Variants in RNF212 observed in about 807,000 individuals in gnomAD.
The protein encoded by RNF212 is ring finger protein 212, also known as probable E3 SUMO-protein ligase RNF212.
Under a neutral mutation model 34.7 loss-of-function variants are expected in RNF212, and 33 were observed. The ratio of observed to expected loss-of-function variants is 0.95; its 90% confidence interval spans 0.72 to 1.27. The LOEUF (loss-of-function observed/expected upper bound fraction) is 1.27, where lower values mean the gene tolerates loss of function less well. RNF212 is among the 50% of genes most tolerant of loss of function. The probability of loss-of-function intolerance (pLI) is 0.00; values close to 1 mark genes in which losing one functional copy is unlikely to be tolerated. For synonymous variants in RNF212, 140 were observed against 136.1 expected (o/e 1.03, Z -0.20); for missense variants, 377 against 362.2 (o/e 1.04, Z -0.33).
chr4:1,059,962 C>T (rs1159800266), intron 3 of RNF212, among the ~76,000 whole-genome samples: 3 of 152,082 alleles, frequency 2.0e-5, no homozygotes, highest in Non-Finnish European at 2.9e-5. Flanking sequence ...GGCGTGGTGG[C>T]GCATGCCTGT....
intron 3 of RNF212, among the ~76,000 whole-genome samples, chr4:1,062,242 C>T (rs1717796679): frequency 6.6e-6 from 1 of 152,118 alleles, no homozygotes; most frequent in Non-Finnish European, 1.5e-5. Context: ...AACAAAATAC[C>T]AGCAAACAAA....
chr4:1,107,930 A>G (rs1400844322), intron 2 of RNF212, among the ~76,000 whole-genome samples: 4 of 152,370 alleles, frequency 2.6e-5, no homozygotes, highest in African/African-American at 9.6e-5. Flanking sequence ...GTTAAACTGA[A>G]TATTTTATAG....
At chr4:1,088,321 A>C (rs1721663505) in intron 4 of RNF212, among the ~76,000 whole-genome samples, 1 of 152,192 alleles carries the variant, frequency 6.6e-6, no homozygotes, top group South Asian at 2.1e-4. Flanking sequence ...TCCTGCCCTC[A>C]ATGTCTGTGG....
chr4:1,078,118 C>T (rs1189940088), intron 8 of RNF212, among the ~76,000 whole-genome samples: 4 of 152,208 alleles, frequency 2.6e-5, no homozygotes, highest in South Asian at 2.1e-4. Context: ...CGACTGAGTT[C>T]ATATCTATAA....
intron 1 of RNF212, 102 bp from the exon 2 acceptor site, chr4:1,108,506 G>GT (rs1725165563): frequency 1.8e-6 from 1 of 557,294 alleles, no homozygotes; most frequent in South Asian, 4.2e-5. Context: ...AGGCAGGATT[G>GT]TATCACTTAC....
intron 3 of RNF212, chr4:1,093,472 T>C: frequency 6.9e-7 from 1 of 1,449,946 alleles, no homozygotes; most frequent in Non-Finnish European, 9.1e-7. Context: ...ACCCTGCGTT[T>C]GTGATGCTCA....
In RNF212 at chr4:1,083,842, T is replaced by C. The variant is rs934308312; in HGVS notation, c.362+2054A>G. Reference sequence around the variant, plus strand: ...CAGAGGGTACTACTTGAAAAGATAATGGGCAGGAATTTTACAGAACTGATG... The same window carrying C: ...CAGAGGGTACTACTTGAAAAGATAACGGGCAGGAATTTTACAGAACTGATG... On this transcript the variant is annotated intron_variant, in intron 5 of 9. Coordinates refer to ENST00000433731, the MANE Select transcript of RNF212 (RefSeq NM_001131034.4). Among the ~76,000 whole-genome samples, 7 of 151,390 alleles carry C rather than the reference T, an allele frequency of 4.6e-5. No homozygotes were observed. The South Asian group carries it at 1.0e-3, about 22-fold the overall frequency.
chr4:1,098,304 T>C (rs1356041591), intron 2 of RNF212, among the ~76,000 whole-genome samples: 1 of 152,118 alleles, frequency 6.6e-6, no homozygotes, highest in African/African-American at 2.4e-5. Context: ...AAACAGGAAA[T>C]GATATCTTGA....
chr4:1,062,740 A>G (rs544050165), intron 3 of RNF212, among the ~76,000 whole-genome samples: 1 of 152,306 alleles, frequency 6.6e-6, no homozygotes, highest in African/African-American at 2.4e-5. Flanking sequence ...AATAAAAGGC[A>G]TCGTGGTTGG....
chr4:1,083,932 C>A (rs1218397930), intron 5 of RNF212, among the ~76,000 whole-genome samples: 2 of 146,804 alleles, frequency 1.4e-5, no homozygotes, highest in Non-Finnish European at 1.5e-5. Flanking sequence ...GAAAGTAATT[C>A]CACATTTTGT....
Position 1,072,728 on chromosome 4 carries a change from C to G in RNF212, c.*146G>C. 7.1e-7 allele frequency: 1 copy of G among 1,412,288 alleles called. No individual in the cohort carries two copies. Among genetic ancestry groups the G allele is most frequent in the Non-Finnish European group, 9.2e-7 (1 of 1,085,664 alleles). 87.5% of individuals were successfully genotyped at this position (1,412,288 alleles called of 1,614,324 possible). ...AATTCAAAGGTCAAATATAAAATTA[C>G]AAAGCAAATTGGGTAAAAGGTTAAT... On this transcript the variant is annotated 3_prime_UTR_variant, in exon 10 of 10. Coordinates refer to ENST00000433731, the MANE Select transcript of RNF212 (RefSeq NM_001131034.4).
intron 4 of RNF212, among the ~76,000 whole-genome samples, chr4:1,089,855 T>C (rs1721906593): frequency 6.6e-6 from 1 of 152,350 alleles, no homozygotes; most frequent in Non-Finnish European, 1.5e-5. Flanking sequence ...CTGCCGTGAC[T>C]GTAAGTTTCC....
intron 5 of RNF212, among the ~76,000 whole-genome samples, chr4:1,084,919 G>A (rs1447667186): frequency 1.3e-5 from 2 of 152,116 alleles, no homozygotes; most frequent in African/African-American, 2.4e-5. Context: ...TCAGAACCTC[G>A]TGTCAGGAGC....
chr4:1,113,357 T>G lies in RNF212; in HGVS notation c.108A>C (p.Lys36Asn). ...AGCCTGCGTTCGGGAAGCCCTGACC[T>G]TTGCCGAGGCAGGCGTCGCAGTACA... ...GHVYCDACLG[K>N]GKKNECLICK... is the part of the protein sequence containing the mutation. Residue 36 changes from lysine to asparagine, a missense_variant and splice_region_variant, in exon 1 of 10, where the codon AAA becomes AAC. Lys to Asn is a moderately conservative substitution (Grantham distance 94, BLOSUM62 0). Transcript: ENST00000433731. 1.4e-6 allele frequency: 2 copies of G among 1,407,444 alleles called. No individual in the cohort carries two copies. Among genetic ancestry groups the G allele is most frequent in the South Asian group, 1.2e-5 (1 of 84,652 alleles). 87.2% of individuals were successfully genotyped at this position (1,407,444 alleles called of 1,614,324 possible). A position where few individuals can be genotyped will look rare whatever the true frequency, so the allele number is the denominator to read the frequency against.
At chr4:1,073,685 A>G (rs1718795109) in intron 8 of RNF212, 23 bp from the exon 9 acceptor site, 2 of 1,568,874 alleles carry the variant, frequency 1.3e-6, no homozygotes, top group Non-Finnish European at 1.8e-6. Flanking sequence ...CAAGAAAACA[A>G]TGGGTAAAAT....
chr4:1,085,556 AGTCCCTGGCTGCAGGGCCACCCCAC>A (rs1721029061), intron 5 of RNF212, among the ~76,000 whole-genome samples: 1 of 152,216 alleles, frequency 6.6e-6, no homozygotes, highest in Admixed American at 6.5e-5. Flanking sequence ...GGAGTCCCGC[AGTCCCTGGCTGCAGGGCCACCCCAC>A]CTGTGCTGGG....
At chr4:1,092,410 AC>A (rs1722331229) in intron 3 of RNF212, among the ~76,000 whole-genome samples, 1 of 151,832 alleles carries the variant, frequency 6.6e-6, no homozygotes, top group Non-Finnish European at 1.5e-5. Flanking sequence ...GGCAGCCAAG[AC>A]CCACTTGTCT....
Position 1,073,079 on chromosome 4 carries a change from C to T in RNF212, c.689G>A (p.Cys230Tyr), listed in dbSNP as rs755306618. Residue 230 changes from cysteine (C) to tyrosine (Y), a missense_variant, in exon 10 of 10, where the codon TGT becomes TAT. By Grantham distance (194) the Cys-to-Tyr change is radical (BLOSUM62 -2). Coordinates refer to ENST00000433731, the MANE Select transcript of RNF212 (RefSeq NM_001131034.4). ...CGCTAGGAGGAGCAGCCAGTGAGGA[C>T]AGACGTCTATGCAGAAACATGGTGA... is the stretch of plus-strand genomic sequence containing the variant. ...RGSPCFCIDV[C>Y]PHWLLLLAFS... The T allele has an allele frequency of 3.1e-6, 5 of 1,614,050 alleles. No homozygotes were observed. Among genetic ancestry groups the T allele is most frequent in the South Asian group, 2.2e-5 (2 of 91,088 alleles).
intron 3 of RNF212, among the ~76,000 whole-genome samples, chr4:1,060,451 C>G (rs1052810720): frequency 6.6e-6 from 1 of 152,192 alleles, no homozygotes; most frequent in Admixed American, 6.5e-5. Flanking sequence ...CAGAGCTAGG[C>G]CAGCTCTCGA....
Sources: allele counts gnomAD v4.1 joint callset (sites outside exome capture counted in the v4.1 genomes callset), GRCh38; gene constraint gnomAD v4.1.1; transcripts MANE v1.5; gene names NCBI Gene and HGNC (gene_info 2026-07-23, HGNC 2026-07-21).